EYA1: variants seen among roughly 807,000 people sequenced by gnomAD.
EYA1 encodes the protein EYA transcriptional coactivator and phosphatase 1.
A neutral mutation model predicts 82.0 loss-of-function variants in EYA1; 16 were observed. The observed-to-expected ratio is 0.20, with a 90% CI of 0.13 to 0.30. EYA1 has a LOEUF of 0.30. EYA1 is among the 10% of genes least tolerant of loss of function. EYA1 has a pLI of 1.00. For synonymous variants in EYA1, 261 were observed against 264.4 expected (o/e 0.99, Z 0.12); for missense variants, 633 against 730.7 (o/e 0.87, Z 1.54).
chr8:71,258,438 G>T (rs1814702162), intron 11 of EYA1, among the ~76,000 whole-genome samples: 1 of 152,190 alleles, frequency 6.6e-6, no homozygotes, highest in South Asian at 2.1e-4. Context: ...TGTTTTTAAT[G>T]ATCATTTATC....
intron 2 of EYA1, among the ~76,000 whole-genome samples, chr8:71,517,600 AT>A (rs1813061778): frequency 6.6e-6 from 1 of 151,618 alleles, no homozygotes. Context: ...TATAAAGTGA[AT>A]ACATTTGCTT....
chr8:71,420,014 T>A (rs1234808217), intron 2 of EYA1, among the ~76,000 whole-genome samples: 1 of 152,122 alleles, frequency 6.6e-6, no homozygotes, highest in African/African-American at 2.4e-5. Flanking sequence ...TATCTGAAAT[T>A]TGCTTAATAA....
chr8:71,371,005 A>G (rs1389710316), intron 2 of EYA1, among the ~76,000 whole-genome samples: 2 of 152,148 alleles, frequency 1.3e-5, no homozygotes, highest in Non-Finnish European at 2.9e-5. Context: ...GAGAAAGCTG[A>G]ATCCTAAGTT....
At chr8:71,242,837 C>T (rs957993036) in intron 12 of EYA1, among the ~76,000 whole-genome samples, 3 of 143,324 alleles carry the variant, frequency 2.1e-5, no homozygotes, top group Non-Finnish European at 4.5e-5. Flanking sequence ...AGTGCAATGG[C>T]GTGATCTCTG....
intron 2 of EYA1, among the ~76,000 whole-genome samples, chr8:71,458,480 T>C (rs896196737): frequency 6.6e-6 from 1 of 152,032 alleles, no homozygotes; most frequent in African/African-American, 2.4e-5. Flanking sequence ...GCTTTTTTCA[T>C]CACCAGCCAT....
intron 17 of EYA1, among the ~76,000 whole-genome samples, chr8:71,210,619 G>A (rs1808389440): frequency 6.6e-6 from 1 of 152,234 alleles, no homozygotes; most frequent in African/African-American, 2.4e-5. Flanking sequence ...CGGGAGTCAA[G>A]AGATTTATAG....
chr8:71,299,307 G>A (rs1184468235), intron 8 of EYA1, 74 bp from the exon 9 acceptor site: 1 of 1,476,934 alleles, frequency 6.8e-7, no homozygotes, highest in Non-Finnish European at 9.5e-7. Context: ...AAGTGTAACT[G>A]TAAGTATGTT....
intron 2 of EYA1, among the ~76,000 whole-genome samples, chr8:71,388,751 C>T (rs2129107285): frequency 6.6e-6 from 1 of 152,238 alleles, no homozygotes; most frequent in Non-Finnish European, 1.5e-5. Flanking sequence ...TCTTTCTTGG[C>T]TCAGCAGCTT....
intron 9 of EYA1, among the ~76,000 whole-genome samples, chr8:71,274,942 GAGCA>G (rs1320797227): frequency 6.6e-6 from 1 of 152,262 alleles, no homozygotes; most frequent in Non-Finnish European, 1.5e-5. Context: ...GAGTGAACGA[GAGCA>G]AGCGAGTGAA....
At chr8:71,234,461 C>T (rs745527665) in intron 12 of EYA1, among the ~76,000 whole-genome samples, 9 of 152,154 alleles carry the variant, frequency 5.9e-5, no homozygotes, top group Non-Finnish European at 1.3e-4. Context: ...TCATTAACAG[C>T]CAACATTCTT....
chr8:71,315,498 C>T lies in EYA1; in HGVS notation c.556+2054G>A, dbSNP rs550639719. 5.9e-5 allele frequency among the ~76,000 whole-genome samples: 9 copies of T among 152,260 alleles called. No homozygotes were observed. The East Asian group carries it at 1.4e-3, about 23-fold the overall frequency. On this transcript the variant is annotated intron_variant, in intron 7 of 17. Transcript: ENST00000340726. ...GGATACCACGGGCACCCTGCTAGAC[C>T]CTGGGACCCCTCCAGCACTCTTTAT...
At chr8:71,220,156 C>T (rs1393179978) in intron 12 of EYA1, among the ~76,000 whole-genome samples, 1 of 151,998 alleles carries the variant, frequency 6.6e-6, no homozygotes, top group Admixed American at 6.6e-5. Flanking sequence ...TCCTAAAAAC[C>T]CTAATTTGGT....
intron 2 of EYA1, among the ~76,000 whole-genome samples, chr8:71,464,176 C>T (rs997762534): frequency 6.6e-6 from 1 of 152,132 alleles, no homozygotes; most frequent in African/African-American, 2.4e-5. Context: ...TCCACATCTT[C>T]TATTCTCCCT....
At chr8:71,254,438 C>T (rs1183266627) in intron 11 of EYA1, among the ~76,000 whole-genome samples, 1 of 151,996 alleles carries the variant, frequency 6.6e-6, no homozygotes, top group African/African-American at 2.4e-5. Context: ...AACAGAAATA[C>T]ACAAGGTTTA....
rs1304047091 is a variant in EYA1, at chr8:71,199,328, T to C, written c.*12A>G. On this transcript the variant is annotated 3_prime_UTR_variant, in exon 18 of 18. Transcript: ENST00000340726. ...ACAGAGCAGCTGTGCGCTGTCAAAG[T>C]GCCGAGCGCTGTTACAGGTACTCCA... is the stretch of plus-strand genomic sequence containing the variant. 11 of 1,596,984 alleles carry C rather than the reference T, an allele frequency of 6.9e-6. No homozygotes were observed. In the African/African-American group the frequency reaches 1.1e-4, roughly 16 times the overall value.
intron 7 of EYA1, among the ~76,000 whole-genome samples, chr8:71,301,573 T>G (rs1417858946): frequency 2.0e-5 from 3 of 152,198 alleles, no homozygotes; most frequent in Non-Finnish European, 4.4e-5. Context: ...AAGAATTATT[T>G]TTATTAAGAA....
Sources: gnomAD v4.1 joint callset for allele counts (sites outside exome capture counted in the v4.1 genomes callset) on GRCh38, gnomAD v4.1.1 for gene constraint, MANE v1.5 for transcripts, NCBI Gene and HGNC (gene_info 2026-07-23, HGNC 2026-07-21) for gene names.